The following GALNT14 variants were observed in gnomAD, a reference collection of about 807,000 sequenced individuals.
The protein encoded by GALNT14 is UDP-GalNAc:polypeptide N-acetylgalactosaminyltransferase 14.
GALNT14 carries 60 observed loss-of-function variants against 77.5 expected under a neutral mutation model. That is an observed-to-expected ratio of 0.77 (90% confidence interval 0.63 to 0.96). The LOEUF (loss-of-function observed/expected upper bound fraction) is 0.96. Ranked by LOEUF, GALNT14 falls within the 40% of genes least tolerant of loss-of-function variation. The pLI is 0.00. For missense variants in GALNT14, 710 were observed against 731.0 expected (o/e 0.97, Z 0.33); for synonymous variants, 280 against 281.7 (o/e 0.99, Z 0.06).
At chr2:30,970,296 C>T (rs557671975) in intron 2 of GALNT14, among the ~76,000 whole-genome samples, 20 of 152,120 alleles carry the variant, frequency 1.3e-4, no homozygotes, top group Non-Finnish European at 2.6e-4. Context: ...GCTCTGATGC[C>T]TGCATTTGAG....
At chr2:31,108,770 G>A (rs2148622432) in intron 1 of GALNT14, among the ~76,000 whole-genome samples, 1 of 152,304 alleles carries the variant, frequency 6.6e-6, no homozygotes, top group African/African-American at 2.4e-5. Context: ...TGTCATGGCT[G>A]GAGGGTCTAG....
intron 1 of GALNT14, among the ~76,000 whole-genome samples, chr2:31,069,029 G>A (rs893328543): frequency 6.6e-6 from 1 of 152,188 alleles, no homozygotes; most frequent in Admixed American, 6.5e-5. Flanking sequence ...AATGCTAATG[G>A]TGCAGGGTTT....
chr2:31,074,247 T>C (rs543093467), intron 1 of GALNT14, among the ~76,000 whole-genome samples: 2 of 152,276 alleles, frequency 1.3e-5, no homozygotes, highest in African/African-American at 4.8e-5. Flanking sequence ...GGTCCCACTC[T>C]GAGCTGCCTG....
At chr2:31,064,997 C>G in intron 1 of GALNT14, 1 of 150,764 alleles carries the variant, frequency 6.6e-6, no homozygotes, top group East Asian at 2.0e-4. Context: ...CTCACACTTT[C>G]AGGCTGGCTG....
intron 13 of GALNT14, among the ~76,000 whole-genome samples, chr2:30,918,250 G>T (rs144390652): frequency 1.3e-3 from 196 of 152,310 alleles, no homozygotes; most frequent in African/African-American, 4.3e-3. Flanking sequence ...CATCTTCGCT[G>T]GGTCATGTTG....
intron 9 of GALNT14, among the ~76,000 whole-genome samples, chr2:30,938,678 C>G (rs1054177142): frequency 2.0e-5 from 3 of 152,208 alleles, no homozygotes; most frequent in Non-Finnish European, 4.4e-5. Flanking sequence ...GTGTATGAGA[C>G]ACGGCTTTCA....
At chr2:30,909,710 G>C (rs1452197531), downstream of GALNT14, among the ~76,000 whole-genome samples, 1 of 151,896 alleles carries the variant, frequency 6.6e-6, no homozygotes, top group South Asian at 2.1e-4. Context: ...CCATTACTGG[G>C]TATATACCCA....
intron 1 of GALNT14, among the ~76,000 whole-genome samples, chr2:31,069,606 C>T (rs1053451669): frequency 6.6e-6 from 1 of 152,184 alleles, no homozygotes; most frequent in Non-Finnish European, 1.5e-5. Flanking sequence ...CTCCAGCCTT[C>T]CCTTTTAACC....
the GALNT14 span, among the ~76,000 whole-genome samples, chr2:30,904,219 G>A: frequency 2.6e-5 from 4 of 152,208 alleles, no homozygotes; most frequent in South Asian, 2.1e-4. Flanking sequence ...CAAGATGGCC[G>A]AATAGGAACA....
chr2:31,042,442 A>G (rs897290122), intron 1 of GALNT14, among the ~76,000 whole-genome samples: 6 of 152,136 alleles, frequency 3.9e-5, no homozygotes, highest in African/African-American at 7.2e-5. Context: ...GGTGAAGAAA[A>G]AAGAAGGAGG....
At chr2:30,962,108 AG>A (rs1667730113) in intron 3 of GALNT14, among the ~76,000 whole-genome samples, 1 of 152,154 alleles carries the variant, frequency 6.6e-6, no homozygotes, top group South Asian at 2.1e-4. Context: ...GCTGTCTGCC[AG>A]GGCTGGAGGC....
downstream of GALNT14, among the ~76,000 whole-genome samples, chr2:30,909,966 A>T (rs1664262661): frequency 2.6e-5 from 4 of 151,220 alleles, no homozygotes; most frequent in Admixed American, 2.6e-4. Flanking sequence ...AAGAACAAAA[A>T]ACCAAACACC....
intron 1 of GALNT14, among the ~76,000 whole-genome samples, chr2:31,114,344 G>A (rs1032753619): frequency 5.3e-5 from 8 of 150,150 alleles, no homozygotes; most frequent in African/African-American, 1.9e-4. Flanking sequence ...ACACTTAGAA[G>A]GAGAAGCTGT....
At chr2:30,987,993 G>C (rs1380920683) in intron 2 of GALNT14, among the ~76,000 whole-genome samples, 1 of 152,094 alleles carries the variant, frequency 6.6e-6, no homozygotes, top group African/African-American at 2.4e-5. Flanking sequence ...CTCTTTAAGG[G>C]AAAAGCATTT....
the GALNT14 span, among the ~76,000 whole-genome samples, chr2:30,898,907 C>G: frequency 6.6e-6 from 1 of 152,140 alleles, no homozygotes. Flanking sequence ...AGAAAAGCTA[C>G]TTTCAGTGAA....
Position 31,046,360 on chromosome 2 carries a change from G to A in GALNT14, c.130-53353C>T, listed in dbSNP as rs373690243. On this transcript the variant is annotated intron_variant, in intron 1 of 14. Coordinates refer to ENST00000349752, the MANE Select transcript of GALNT14 (RefSeq NM_024572.4). Reference sequence around the variant, plus strand: ...TCCTGCCTCAGCCTCCCAAGTAGCTGGGATTACAGGTGCGTGCCACCACGC... The same window carrying A: ...TCCTGCCTCAGCCTCCCAAGTAGCTAGGATTACAGGTGCGTGCCACCACGC... 5.9e-5 allele frequency among the ~76,000 whole-genome samples: 9 copies of A among 152,034 alleles called. No individual in the cohort carries two copies. The East Asian group carries it at 1.2e-3, about 20-fold the overall frequency.
At chr2:31,137,511 C>T (rs1679276650) in intron 1 of GALNT14, among the ~76,000 whole-genome samples, 1 of 152,146 alleles carries the variant, frequency 6.6e-6, no homozygotes, top group African/African-American at 2.4e-5. Flanking sequence ...GCGGCGCACC[C>T]GGCCTCCGGC....
intron 1 of GALNT14, among the ~76,000 whole-genome samples, chr2:31,101,495 A>C (rs779526314): frequency 6.6e-6 from 1 of 151,972 alleles, no homozygotes; most frequent in Non-Finnish European, 1.5e-5. Context: ...TTTTTAAAAA[A>C]ATTTCTGCCT....
intron 1 of GALNT14, among the ~76,000 whole-genome samples, chr2:31,057,450 GTA>G (rs150471338): frequency 3.8e-4 from 53 of 139,682 alleles, no homozygotes; most frequent in Admixed American, 3.6e-4. Context: ...GCTGTTGCAG[GTA>G]TATATATATA....
Sources: gnomAD v4.1 joint callset for allele counts (sites outside exome capture counted in the v4.1 genomes callset) on GRCh38, gnomAD v4.1.1 for gene constraint, MANE v1.5 for transcripts, NCBI Gene and HGNC (gene_info 2026-07-23, HGNC 2026-07-21) for gene names.